Variants in PPARGC1A observed in about 807,000 individuals in gnomAD.
PPARGC1A encodes peroxisome proliferator-activated receptor gamma coactivator 1-alpha.
Under a neutral mutation model 88.7 loss-of-function variants are expected in PPARGC1A, and 25 were observed. The ratio of observed to expected loss-of-function variants is 0.28; its 90% CI spans 0.21 to 0.39. The LOEUF (loss-of-function observed/expected upper bound fraction) is 0.39. Ranked by LOEUF, PPARGC1A falls within the 10% of genes least tolerant of loss-of-function variation. The probability of loss-of-function intolerance (pLI) is 1.00; values close to 1 mark genes in which losing one functional copy is unlikely to be tolerated. For missense variants in PPARGC1A, 880 were observed against 968.7 expected (o/e 0.91, Z 1.22); for synonymous variants, 363 against 355.6 (o/e 1.02, Z -0.24).
At chr4:24,222,396 A>C in the PPARGC1A span, among the ~76,000 whole-genome samples, 2 of 152,238 alleles carry the variant, frequency 1.3e-5, no homozygotes, top group African/African-American at 4.8e-5. Flanking sequence ...CAATTTCCTC[A>C]TCCATCAATG....
chr4:24,467,915 A>C, the PPARGC1A span, among the ~76,000 whole-genome samples: 303 of 152,280 alleles, frequency 2.0e-3, 1 homozygote, highest in African/African-American at 7.1e-3. Context: ...AAAGTTTAAA[A>C]AGCAGGGTCA....
the PPARGC1A span, among the ~76,000 whole-genome samples, chr4:24,324,134 C>T: frequency 6.6e-5 from 10 of 152,326 alleles, no homozygotes; most frequent in Non-Finnish European, 1.0e-4. Context: ...TGTCAAACCA[C>T]GCAGGGACGC....
chr4:24,044,612 T>C, the PPARGC1A span, among the ~76,000 whole-genome samples: 3 of 152,170 alleles, frequency 2.0e-5, no homozygotes, highest in African/African-American at 4.8e-5. Flanking sequence ...CTTAGGCATA[T>C]TGAACTGCTC....
the PPARGC1A span, among the ~76,000 whole-genome samples, chr4:24,234,151 G>T: frequency 7.9e-4 from 121 of 152,276 alleles, no homozygotes; most frequent in African/African-American, 2.8e-3. Context: ...AAAGCACAAT[G>T]GGCAGATTTG....
At chr4:24,225,319 C>G in the PPARGC1A span, among the ~76,000 whole-genome samples, 284 of 152,216 alleles carry the variant, frequency 1.9e-3, 1 homozygote, top group African/African-American at 6.6e-3. Flanking sequence ...CCTCTAATCC[C>G]TGCACTTTGA....
intron 2 of PPARGC1A, among the ~76,000 whole-genome samples, chr4:23,862,990 C>T (rs1012597126): frequency 6.6e-6 from 1 of 152,146 alleles, no homozygotes; most frequent in African/African-American, 2.4e-5. Context: ...CTGCGCCTTC[C>T]CTGAAACATG....
At chr4:24,026,306 A>G in the PPARGC1A span, among the ~76,000 whole-genome samples, 57,942 of 152,018 alleles carry the variant, frequency 0.38, 11,893 homozygotes, top group Admixed American at 0.53. Context: ...GATTCCTGCC[A>G]TAGACCCTCT....
At chr4:24,230,959 T>TAAA in the PPARGC1A span, among the ~76,000 whole-genome samples, 2 of 145,188 alleles carry the variant, frequency 1.4e-5, no homozygotes, top group African/African-American at 5.1e-5. Context: ...TTAAAAAAAA[T>TAAA]AAAAAAAGAC....
the PPARGC1A span, among the ~76,000 whole-genome samples, chr4:24,240,052 A>G: frequency 1.3e-5 from 2 of 152,184 alleles, no homozygotes; most frequent in Non-Finnish European, 2.9e-5. Context: ...ACTTTGCTCT[A>G]TGTCAAAAAT....
At chr4:24,157,629 T>C in the PPARGC1A span, among the ~76,000 whole-genome samples, 1 of 152,102 alleles carries the variant, frequency 6.6e-6, no homozygotes, top group Non-Finnish European at 1.5e-5. Flanking sequence ...AGCATGCCCA[T>C]CCATCCTGTT....
the PPARGC1A span, among the ~76,000 whole-genome samples, chr4:24,194,634 A>G: frequency 8.5e-3 from 146 of 17,174 alleles, no homozygotes; most frequent in East Asian, 0.038. Context: ...GCGCGCGCAC[A>G]CACACACACA....
At chr4:24,033,979 T>A in the PPARGC1A span, among the ~76,000 whole-genome samples, 1 of 152,194 alleles carries the variant, frequency 6.6e-6, no homozygotes, top group South Asian at 2.1e-4. Flanking sequence ...GGAATCTGAG[T>A]GGTCCGTTTG....
chr4:24,143,369 G>T, the PPARGC1A span, among the ~76,000 whole-genome samples: 2 of 152,126 alleles, frequency 1.3e-5, no homozygotes, highest in Non-Finnish European at 2.9e-5. Context: ...GCTGTAACAT[G>T]TGCTGTGAGG....
In PPARGC1A at chr4:23,795,399, C is replaced by A. The variant is rs1717399497; in HGVS notation, c.*423G>T. 1 of 150,890 alleles carries A rather than the reference C, an allele frequency of 6.6e-6. No individual in the cohort carries two copies. The highest frequency in any genetic ancestry group is 2.1e-4 in the South Asian group (1 of 4,794). The allele number at this position is 150,890 out of a possible 1,614,324, so 9.3% of individuals were successfully genotyped here. A position where few individuals can be genotyped will look rare whatever the true frequency, so the allele number is the denominator to read the frequency against. Reference sequence around the variant, plus strand: ...AAGCGTGTCTTCATGGAACTGCTGCCATTTGAAATGGTTTGCCCTTGCGCA... The same window carrying A: ...AAGCGTGTCTTCATGGAACTGCTGCAATTTGAAATGGTTTGCCCTTGCGCA... On this transcript the variant is annotated 3_prime_UTR_variant, in exon 13 of 13. Transcript: ENST00000264867.
chr4:24,402,479 G>C, the PPARGC1A span, among the ~76,000 whole-genome samples: 1 of 152,186 alleles, frequency 6.6e-6, no homozygotes, highest in East Asian at 1.9e-4. Flanking sequence ...ACAATCCGAT[G>C]AGGCATGGGT....
chr4:24,219,366 G>C, the PPARGC1A span, among the ~76,000 whole-genome samples: 15 of 152,156 alleles, frequency 9.9e-5, no homozygotes, highest in Non-Finnish European at 1.6e-4. Flanking sequence ...TGCAGGCTGG[G>C]ATTGCTACAT....
At chr4:24,358,448 G>A in the PPARGC1A span, among the ~76,000 whole-genome samples, 1 of 152,180 alleles carries the variant, frequency 6.6e-6, no homozygotes, top group East Asian at 1.9e-4. Flanking sequence ...TCTGGCCCCA[G>A]CCCATGCTCC....
chr4:24,091,766 T>G, the PPARGC1A span: 1 of 367,758 alleles, frequency 2.7e-6, no homozygotes, highest in Non-Finnish European at 3.8e-6. Flanking sequence ...AGCTCAGCCA[T>G]CAAGCGTCCA....
At chr4:24,164,596 G>C in the PPARGC1A span, among the ~76,000 whole-genome samples, 1 of 152,050 alleles carries the variant, frequency 6.6e-6, no homozygotes, top group East Asian at 1.9e-4. Flanking sequence ...CATCTTGTTG[G>C]TTTACACAGG....
Sources: gnomAD v4.1 joint callset for allele counts (sites outside exome capture counted in the v4.1 genomes callset) on GRCh38, gnomAD v4.1.1 for gene constraint, MANE v1.5 for transcripts, NCBI Gene and HGNC (gene_info 2026-07-23, HGNC 2026-07-21) for gene names.